Variants in DTNA observed in about 807,000 individuals in gnomAD.
DTNA encodes the protein dystrobrevin alpha, also known as dystrophin-related protein 3.
In DTNA, 43 loss-of-function variants were observed where a neutral mutation model predicts 100.7. The observed-to-expected ratio is 0.43, with a 90% CI of 0.33 to 0.55. DTNA has a LOEUF of 0.55. Among genes scored for constraint, DTNA ranks in the 20% least tolerant of loss-of-function variants. The pLI is 0.04. For synonymous variants in DTNA, 349 were observed against 347.9 expected, an observed-to-expected ratio of 1.00 and a Z score of -0.04; for missense variants, 798 against 953.9, an observed-to-expected ratio of 0.84 and a Z score of 2.15.
chr18:34,814,423 C>T (rs1337067721), intron 6 of DTNA, among the ~76,000 whole-genome samples: 1 of 151,692 alleles, frequency 6.6e-6, no homozygotes, highest in South Asian at 2.1e-4. Context: ...TGTGATGGCT[C>T]ACACAGTAAT....
chr18:34,664,370 A>G (rs550244795), intron 1 of DTNA, among the ~76,000 whole-genome samples: 2 of 152,294 alleles, frequency 1.3e-5, no homozygotes, highest in East Asian at 3.8e-4. Flanking sequence ...TCATTGTCAC[A>G]TAAATGAATT....
Position 34,681,730 on chromosome 18 carries a change from A to C in DTNA, c.-1-74246A>C, listed in dbSNP as rs544642797. The stretch of plus-strand genomic sequence containing the variant: ...CACACACACACACACACACACACAC[A>C]CCCCACACACACACACCCTATGGAC... On this transcript the variant is annotated intron_variant, in intron 1 of 19. Transcript: ENST00000283365. Among the ~76,000 whole-genome samples, 308 of 143,366 alleles carry C rather than the reference A, an allele frequency of 2.1e-3. 2 individuals carry two copies. Among genetic ancestry groups the C allele is most frequent in the East Asian group, 0.012 (61 of 5,016 alleles). The allele number at this position is 143,366 out of a possible 152,430, so 94.1% of individuals were successfully genotyped here.
At chr18:34,630,886 C>G (rs1205925263) in intron 1 of DTNA, among the ~76,000 whole-genome samples, 2 of 151,724 alleles carry the variant, frequency 1.3e-5, no homozygotes. Flanking sequence ...GTGAAATCAT[C>G]AGCATATAAA....
intron 1 of DTNA, among the ~76,000 whole-genome samples, chr18:34,642,050 C>T (rs1315341332): frequency 1.3e-5 from 2 of 152,132 alleles, no homozygotes; most frequent in East Asian, 1.9e-4. Flanking sequence ...TTTATAGCTG[C>T]CTTTCAATTA....
chr18:34,611,412 G>A (rs62097188), intron 1 of DTNA, among the ~76,000 whole-genome samples: 7,958 of 152,182 alleles, frequency 0.052, 283 homozygotes, highest in Non-Finnish European at 0.076. Context: ...CCAGTCTCAG[G>A]TGCTGAGCCC....
intron 15 of DTNA, among the ~76,000 whole-genome samples, chr18:34,856,102 TAGG>T (rs1179586553): frequency 6.6e-6 from 1 of 151,878 alleles, no homozygotes; most frequent in Non-Finnish European, 1.5e-5. Context: ...AAAAAAGAAA[TAGG>T]AGTGAGAAGA....
intron 1 of DTNA, among the ~76,000 whole-genome samples, chr18:34,498,593 C>T (rs1373493992): frequency 1.3e-5 from 2 of 151,842 alleles, no homozygotes; most frequent in Admixed American, 6.6e-5. Context: ...ATAATAAAAG[C>T]AATGATTTAT....
intron 1 of DTNA, among the ~76,000 whole-genome samples, chr18:34,610,410 C>CA (rs746589433): frequency 1.4e-4 from 21 of 152,140 alleles, no homozygotes; most frequent in African/African-American, 4.8e-4. Context: ...GTATAAATCA[C>CA]AAATTTTCTG....
intron 1 of DTNA, among the ~76,000 whole-genome samples, chr18:34,734,494 G>A (rs2089096215): frequency 6.6e-6 from 1 of 152,156 alleles, no homozygotes; most frequent in Non-Finnish European, 1.5e-5. Flanking sequence ...GGCTGTGCAT[G>A]CATCTTTCAT....
At chr18:34,847,842 G>T (rs2096407750) in intron 13 of DTNA, among the ~76,000 whole-genome samples, 1 of 152,200 alleles carries the variant, frequency 6.6e-6, no homozygotes, top group South Asian at 2.1e-4. Context: ...TCCTAAAGGG[G>T]AGGAAATTAC....
At chr18:34,886,014 C>T (rs1400500497) in intron 22 of DTNA, among the ~76,000 whole-genome samples, 3 of 152,230 alleles carry the variant, frequency 2.0e-5, no homozygotes, top group Admixed American at 6.5e-5. Flanking sequence ...ATATACCTCT[C>T]AAAGGATTCT....
intron 1 of DTNA, among the ~76,000 whole-genome samples, chr18:34,754,281 A>C (rs1379433726): frequency 2.0e-5 from 3 of 151,956 alleles, no homozygotes; most frequent in Non-Finnish European, 4.4e-5. Flanking sequence ...ACAGCTCATT[A>C]CCTTTTGAGC....
chr18:34,498,442 TATAATAATAATAATA>T (rs58997432), intron 1 of DTNA, among the ~76,000 whole-genome samples: 100 of 141,838 alleles, frequency 7.1e-4, no homozygotes, highest in Non-Finnish European at 9.6e-4. Context: ...CAGAAAATAA[TATAATAATAATAATA>T]ATAATAATAA....
chr18:34,609,412 T>C (rs2053792607), intron 1 of DTNA, among the ~76,000 whole-genome samples: 1 of 151,868 alleles, frequency 6.6e-6, no homozygotes, highest in Non-Finnish European at 1.5e-5. Flanking sequence ...ACCCGGCTAA[T>C]TTTTTGTATT....
Position 34,672,597 on chromosome 18 carries a change from C to G in DTNA, c.-1-83379C>G, listed in dbSNP as rs376168585. On this transcript the variant is annotated intron_variant, in intron 1 of 19. Coordinates refer to the DTNA transcript ENST00000283365. ...AGTACGTGAATAAAGGAGCGTTCAG[C>G]CACTACTGATGTCTCATATCTTCAT... Among the ~76,000 whole-genome samples the G allele has an allele frequency of 2.6e-5, 4 of 152,266 alleles. No individual in the cohort carries two copies. The East Asian group carries it at 5.8e-4, about 22-fold the overall frequency.
At chr18:34,886,782 C>T (rs1230692378) in intron 22 of DTNA, among the ~76,000 whole-genome samples, 1 of 152,224 alleles carries the variant, frequency 6.6e-6, no homozygotes, top group Non-Finnish European at 1.5e-5. Context: ...GCCTGTCATT[C>T]AATCAGCCAC....
chr18:34,689,793 T>A (rs1029330504), intron 1 of DTNA, among the ~76,000 whole-genome samples: 2 of 152,174 alleles, frequency 1.3e-5, no homozygotes, highest in African/African-American at 4.8e-5. Flanking sequence ...GGGAGTTTTA[T>A]CTATAAGCCC....
intron 7 of DTNA, among the ~76,000 whole-genome samples, 153 bp downstream of exon 7, chr18:34,816,167 G>A (rs1041317040): frequency 7.9e-5 from 12 of 152,080 alleles, no homozygotes; most frequent in Non-Finnish European, 1.5e-4. Flanking sequence ...CTCCCTGTTC[G>A]GGAAGGCCTT....
intron 5 of DTNA, 48 bp from the exon 6 acceptor site, chr18:34,811,911 G>T: frequency 6.2e-7 from 1 of 1,608,050 alleles, no homozygotes; most frequent in Non-Finnish European, 8.5e-7. Flanking sequence ...CAAAAACAGT[G>T]GAGAATGTTC....
Sources: allele counts gnomAD v4.1 joint callset (sites outside exome capture counted in the v4.1 genomes callset), GRCh38; gene constraint gnomAD v4.1.1; transcripts MANE v1.5; gene names NCBI Gene and HGNC (gene_info 2026-07-23, HGNC 2026-07-21).